C8orf34: variants seen among roughly 807,000 people sequenced by gnomAD.
C8orf34 encodes the protein chromosome 8 open reading frame 34, also known as uncharacterized protein C8orf34.
A neutral mutation model predicts 68.3 loss-of-function variants in C8orf34; 65 were observed. That is an observed-to-expected ratio of 0.95 (90% CI 0.78 to 1.17). The LOEUF is 1.17. C8orf34 is among the 50% of genes most tolerant of loss of function. The pLI, the probability that C8orf34 is intolerant of heterozygous loss-of-function variation, is 0.00. For synonymous variants in C8orf34, 244 were observed against 241.2 expected (o/e 1.01, Z -0.11); for missense variants, 664 against 655.4 (o/e 1.01, Z -0.14).
Position 68,695,240 on chromosome 8 carries a change from G to T in C8orf34, c.1242-13754G>T, listed in dbSNP as rs563286429. 4.4e-4 allele frequency among the ~76,000 whole-genome samples: 66 copies of T among 151,098 alleles called. 1 individual carries two copies. The highest frequency in any genetic ancestry group is 1.6e-3 in the African/African-American group (65 of 41,140). Reference sequence around the variant, plus strand: ...CAACTCACTGCAACCTCTGCCTCCTGGATTCAACCGATTCTCCTGCCTCAA... The same window carrying T: ...CAACTCACTGCAACCTCTGCCTCCTTGATTCAACCGATTCTCCTGCCTCAA... On this transcript the variant is annotated intron_variant, in intron 8 of 13. Coordinates refer to ENST00000518698, the MANE Select transcript of C8orf34 (RefSeq NM_052958.4).
chr8:68,339,998 G>GTA (rs770341747), intron 1 of C8orf34, among the ~76,000 whole-genome samples: 16 of 152,168 alleles, frequency 1.1e-4, no homozygotes, highest in Admixed American at 2.6e-4. Flanking sequence ...ATAAGAAGAT[G>GTA]TATAGGTGGC....
At chr8:68,728,497 T>C (rs1305852338) in intron 10 of C8orf34, among the ~76,000 whole-genome samples, 2 of 152,196 alleles carry the variant, frequency 1.3e-5, no homozygotes, top group Non-Finnish European at 2.9e-5. Context: ...GGTACCAATT[T>C]ACTGTATTAG....
chr8:68,392,318 T>C (rs898143632), intron 1 of C8orf34, among the ~76,000 whole-genome samples: 2 of 152,122 alleles, frequency 1.3e-5, no homozygotes, highest in South Asian at 4.1e-4. Context: ...ACTCTTCTCC[T>C]TTGATATATA....
chr8:68,706,461 G>A (rs1341013300), intron 8 of C8orf34, among the ~76,000 whole-genome samples: 2 of 151,572 alleles, frequency 1.3e-5, no homozygotes, highest in East Asian at 3.9e-4. Flanking sequence ...AGCAGGAGGG[G>A]ACACTCCCTG....
rs902075649 is a variant in C8orf34 at position 68,412,032 on chromosome 8, G to T, written c.328-27467G>T. 1.2e-4 allele frequency among the ~76,000 whole-genome samples: 18 copies of T among 152,322 alleles called. No homozygotes were observed. The South Asian group carries it at 3.7e-3, about 32-fold the overall frequency. Reference sequence around the variant, plus strand: ...AGCTTTAACCCCTTTGTCCTGCCATGTGAGGACACATAGAAGGTGCCATCT... The same window carrying T: ...AGCTTTAACCCCTTTGTCCTGCCATTTGAGGACACATAGAAGGTGCCATCT... On this transcript the variant is annotated intron_variant, in intron 1 of 13. Transcript: ENST00000518698.
At chr8:68,580,519 G>A (rs1056005914) in intron 7 of C8orf34, among the ~76,000 whole-genome samples, 11 of 151,946 alleles carry the variant, frequency 7.2e-5, no homozygotes, top group African/African-American at 2.4e-4. Context: ...TACACTTATG[G>A]CCCCTATCAG....
At chr8:68,595,671 C>A (rs1817527744) in intron 7 of C8orf34, among the ~76,000 whole-genome samples, 1 of 151,984 alleles carries the variant, frequency 6.6e-6, no homozygotes, top group East Asian at 1.9e-4. Flanking sequence ...ATATTGGCTC[C>A]ATTTTTTATT....
At chr8:68,488,988 G>GT (rs34324718) in intron 5 of C8orf34, among the ~76,000 whole-genome samples, 53,569 of 149,842 alleles carry the variant, frequency 0.36, 9,947 homozygotes, top group South Asian at 0.47. Flanking sequence ...ACGAATTTAC[G>GT]TTTTTTTTTA....
chr8:68,641,112 C>T (rs1462149401), intron 8 of C8orf34, among the ~76,000 whole-genome samples: 1 of 152,180 alleles, frequency 6.6e-6, no homozygotes, highest in Non-Finnish European at 1.5e-5. Context: ...ATCTCATTTG[C>T]AAAGAGGCTT....
chr8:68,774,748 T>A (rs114815158), intron 10 of C8orf34, among the ~76,000 whole-genome samples: 72,073 of 149,314 alleles, frequency 0.48, 19,446 homozygotes, highest in African/African-American at 0.73. Context: ...CAATTTTTTT[T>A]AAAAAAAACT....
chr8:68,817,650 T>G (rs1238507362), intron 13 of C8orf34, among the ~76,000 whole-genome samples: 1 of 152,120 alleles, frequency 6.6e-6, no homozygotes, highest in East Asian at 1.9e-4. Flanking sequence ...AACATGAATA[T>G]TTTCCCTTGC....
intron 7 of C8orf34, among the ~76,000 whole-genome samples, chr8:68,615,798 G>A (rs549038922): frequency 1.3e-5 from 2 of 152,196 alleles, no homozygotes; most frequent in East Asian, 3.9e-4. Flanking sequence ...GATGATGCTG[G>A]CCTCATAAAA....
At chr8:68,486,246 T>G (rs186102367) in intron 4 of C8orf34, among the ~76,000 whole-genome samples, 1 of 152,280 alleles carries the variant, frequency 6.6e-6, no homozygotes, top group East Asian at 1.9e-4. Context: ...ATCTTCCCCT[T>G]GACTGTGGTG....
intron 1 of C8orf34, among the ~76,000 whole-genome samples, chr8:68,358,014 T>A (rs1479000690): frequency 1.3e-5 from 2 of 152,194 alleles, no homozygotes; most frequent in African/African-American, 4.8e-5. Flanking sequence ...TTTATCTTTT[T>A]CACTCCTTTG....
chr8:68,500,783 C>T (rs973407712), intron 5 of C8orf34, among the ~76,000 whole-genome samples: 3 of 152,082 alleles, frequency 2.0e-5, no homozygotes, highest in African/African-American at 7.2e-5. Flanking sequence ...TCGGGCAAAT[C>T]AGGGGAAGGG....
At chr8:68,794,507 T>TATATATATATATATATATATATATACATA (rs1585894787) in intron 12 of C8orf34, among the ~76,000 whole-genome samples, 1 of 69,282 alleles carries the variant, frequency 1.4e-5, no homozygotes. Context: ...ATATATATAT[T>TATATATATATATATATATATATATACATA]TTTTTTTTTT....
intron 13 of C8orf34, 115 bp from the exon 14 acceptor site, chr8:68,818,124 T>C: frequency 9.9e-7 from 1 of 1,006,298 alleles, no homozygotes; most frequent in Non-Finnish European, 1.5e-6. Context: ...CAATATCCTT[T>C]CAAAAGTTCA....
chr8:68,794,505 A>ATATTTTTTTTTTTT (rs1313909362), intron 12 of C8orf34, among the ~76,000 whole-genome samples: 1 of 62,238 alleles, frequency 1.6e-5, no homozygotes, highest in Non-Finnish European at 2.6e-5. Context: ...ATATATATAT[A>ATATTTTTTTTTTTT]TTTTTTTTTT....
chr8:68,555,398 G>T (rs1816220319), intron 7 of C8orf34, among the ~76,000 whole-genome samples: 2 of 152,122 alleles, frequency 1.3e-5, no homozygotes, highest in South Asian at 4.1e-4. Context: ...CCTCTCTTTT[G>T]TTCTTTTATC....
Sources: gnomAD v4.1 joint callset for allele counts (sites outside exome capture counted in the v4.1 genomes callset) on GRCh38, gnomAD v4.1.1 for gene constraint, MANE v1.5 for transcripts, NCBI Gene and HGNC (gene_info 2026-07-23, HGNC 2026-07-21) for gene names.